PTCHD4: variants seen among roughly 807,000 people sequenced by gnomAD.
PTCHD4 encodes patched domain-containing protein 4.
PTCHD4 carries 33 observed loss-of-function variants against 58.1 expected under a neutral mutation model. The ratio of observed to expected loss-of-function variants is 0.57; its 90% CI spans 0.43 to 0.76. PTCHD4 has a LOEUF of 0.76. Among genes scored for constraint, PTCHD4 ranks in the 30% least tolerant of loss-of-function variants. The pLI, the probability that PTCHD4 is intolerant of heterozygous loss-of-function variation, is 0.00. For missense variants in PTCHD4, 1,058 were observed against 1,027.1 expected, an observed-to-expected ratio of 1.03 and a Z score of -0.41; for synonymous variants, 478 against 409.6, an observed-to-expected ratio of 1.17 and a Z score of -2.02.
chr6:48,033,319 GA>G (rs1288047956), intron 3 of PTCHD4, among the ~76,000 whole-genome samples: 2 of 151,804 alleles, frequency 1.3e-5, no homozygotes, highest in African/African-American at 4.8e-5. Context: ...CTGGACCTCT[GA>G]AAAAAATGTG....
intron 4 of PTCHD4, chr6:47,901,064 G>A (rs1764679976): frequency 6.6e-6 from 1 of 150,850 alleles, no homozygotes; most frequent in Admixed American, 6.6e-5. Context: ...TGAGGCAGGA[G>A]AATGGCGTGA....
At chr6:47,926,000 C>A (rs1765600867) in intron 4 of PTCHD4, among the ~76,000 whole-genome samples, 1 of 152,158 alleles carries the variant, frequency 6.6e-6, no homozygotes, top group African/African-American at 2.4e-5. Context: ...GACTCTTGTT[C>A]ATTTTCCTCT....
chr6:47,878,222 A>G lies in PTCHD4; in HGVS notation c.*81T>C. ...TGCCTTGTTACCCCTGGCCAGCCCA[A>G]GCAGCTGAGGTCTGAGCTTTACTTG... On this transcript the variant is annotated 3_prime_UTR_variant, in exon 5 of 5. Transcript: ENST00000339488. The G allele has an allele frequency of 7.5e-7, 1 of 1,340,554 alleles. No individual in the cohort carries two copies. Among genetic ancestry groups the G allele is most frequent in the South Asian group, 1.4e-5 (1 of 69,194 alleles). 83.0% of individuals were successfully genotyped at this position (1,340,554 alleles called of 1,614,324 possible).
chr6:48,103,048 G>GACAGCAATA (rs1368597708), intron 1 of PTCHD4, among the ~76,000 whole-genome samples: 1 of 152,218 alleles, frequency 6.6e-6, no homozygotes, highest in African/African-American at 2.4e-5. Context: ...ACAAACAAAA[G>GACAGCAATA]ACAGCAATAA....
chr6:48,018,791 G>A (rs775220386), intron 3 of PTCHD4, among the ~76,000 whole-genome samples: 3 of 152,136 alleles, frequency 2.0e-5, no homozygotes, highest in Non-Finnish European at 2.9e-5. Context: ...CAGGCATTCC[G>A]ATATCAAACA....
chr6:47,901,301 TA>T (rs1445368727), intron 4 of PTCHD4: 22 of 317,268 alleles, frequency 6.9e-5, no homozygotes, highest in Non-Finnish European at 9.1e-5. Flanking sequence ...TATTAACCTG[TA>T]GTTTTCCTTC....
At chr6:48,071,170 C>T (rs1325118879) in intron 1 of PTCHD4, among the ~76,000 whole-genome samples, 1 of 152,194 alleles carries the variant, frequency 6.6e-6, no homozygotes, top group East Asian at 1.9e-4. Context: ...CTTCTCACAA[C>T]AAACAAATAT....
intron 4 of PTCHD4, among the ~76,000 whole-genome samples, chr6:47,924,435 G>A (rs1581886129): frequency 1.3e-5 from 2 of 152,156 alleles, no homozygotes; most frequent in Non-Finnish European, 2.9e-5. Context: ...AGGTGTGGAG[G>A]TTAAGGGTAA....
chr6:47,952,708 G>A (rs528685501), intron 4 of PTCHD4, among the ~76,000 whole-genome samples: 111 of 152,066 alleles, frequency 7.3e-4, no homozygotes, highest in South Asian at 2.1e-4. Flanking sequence ...CATTTTGTAC[G>A]GATTTGTAGT....
intron 1 of PTCHD4, among the ~76,000 whole-genome samples, chr6:48,107,803 CA>C (rs1472781397): frequency 6.6e-6 from 1 of 152,162 alleles, no homozygotes; most frequent in African/African-American, 2.4e-5. Context: ...TATGAACAGA[CA>C]CTTCTCAAAA....
intron 4 of PTCHD4, among the ~76,000 whole-genome samples, chr6:47,997,483 G>A (rs1434758002): frequency 1.3e-5 from 2 of 151,980 alleles, no homozygotes; most frequent in African/African-American, 4.8e-5. Flanking sequence ...ACACCTAAAA[G>A]GGAAACAATC....
chr6:47,904,120 G>T (rs536826413), intron 4 of PTCHD4, among the ~76,000 whole-genome samples: 108 of 152,270 alleles, frequency 7.1e-4, no homozygotes, highest in African/African-American at 2.4e-3. Context: ...ATGGTGAGGG[G>T]CAGATGGAGC....
At chr6:47,989,857 G>T (rs1289761385) in intron 4 of PTCHD4, among the ~76,000 whole-genome samples, 1 of 152,172 alleles carries the variant, frequency 6.6e-6, no homozygotes, top group Non-Finnish European at 1.5e-5. Context: ...GGAGCTGTGC[G>T]AAGAAGGCCA....
chr6:47,915,710 TA>T (rs1321632667), intron 4 of PTCHD4, among the ~76,000 whole-genome samples: 13 of 152,116 alleles, frequency 8.5e-5, no homozygotes, highest in African/African-American at 3.1e-4. Flanking sequence ...TTGACATTTA[TA>T]ATTACCATCT....
chr6:47,917,924 G>A (rs1765310295), intron 4 of PTCHD4, among the ~76,000 whole-genome samples: 2 of 152,212 alleles, frequency 1.3e-5, no homozygotes, highest in Non-Finnish European at 2.9e-5. Context: ...TTCATCTCCA[G>A]GCATAACGTC....
rs978288689 is a variant in PTCHD4 at position 47,876,940 on chromosome 6, A to G, written c.*1363T>C. On this transcript the variant is annotated 3_prime_UTR_variant, in exon 5 of 5. Transcript: ENST00000339488. ...ACCTGTGGAGAGCTGCGATCACCCT[A>G]GGAGGTGGGCCAACCGAGGAGCACT... Among the ~76,000 whole-genome samples, 6 of 151,922 alleles carry G rather than the reference A, an allele frequency of 3.9e-5. No individual in the cohort carries two copies. The highest frequency in any genetic ancestry group is 1.4e-4 in the African/African-American group (6 of 41,402).
chr6:47,876,811 C>A lies in PTCHD4; in HGVS notation c.*1492G>T, dbSNP rs1416669645. ...GCACAGCAATAGTCCAAGTAAGCAC[C>A]CAACAGGTGCTTGGGAGTAGTTTTA... On this transcript the variant is annotated 3_prime_UTR_variant, in exon 5 of 5. Coordinates refer to ENST00000339488, the MANE Select transcript of PTCHD4 (RefSeq NM_001384253.1). Among the ~76,000 whole-genome samples, 2 of 151,918 alleles carry A rather than the reference C, an allele frequency of 1.3e-5. No homozygotes were observed. The highest frequency in any genetic ancestry group is 2.9e-5 in the Non-Finnish European group (2 of 67,932).
chr6:48,098,081 C>A (rs1765511652), intron 1 of PTCHD4, among the ~76,000 whole-genome samples: 4 of 152,072 alleles, frequency 2.6e-5, no homozygotes, highest in Non-Finnish European at 4.4e-5. Context: ...GTGTTGCCAG[C>A]CACAATCACC....
At chr6:48,106,382 C>A (rs1301967550) in intron 1 of PTCHD4, among the ~76,000 whole-genome samples, 1 of 152,096 alleles carries the variant, frequency 6.6e-6, no homozygotes, top group Non-Finnish European at 1.5e-5. Context: ...GCAGAAAAGA[C>A]CTTTGACAAA....
Sources: gnomAD v4.1 joint callset for allele counts (sites outside exome capture counted in the v4.1 genomes callset) on GRCh38, gnomAD v4.1.1 for gene constraint, MANE v1.5 for transcripts, NCBI Gene and HGNC (gene_info 2026-07-23, HGNC 2026-07-21) for gene names.